Variants in ITPK1 observed in about 807,000 individuals in gnomAD.
ITPK1 encodes the protein inositol 1,3,4-trisphosphate 5/6-kinase.
In ITPK1, 21 loss-of-function variants were observed where a neutral mutation model predicts 45.3. The observed-to-expected ratio is 0.46, with a 90% CI of 0.33 to 0.67. ITPK1 has a LOEUF of 0.67. Among genes scored for constraint, ITPK1 ranks in the 30% least tolerant of loss-of-function variants. The probability of loss-of-function intolerance (pLI) is 0.02; values close to 1 mark genes in which losing one functional copy is unlikely to be tolerated. For missense variants in ITPK1, 474 were observed against 573.5 expected (o/e 0.83, Z 1.77); for synonymous variants, 258 against 253.6 (o/e 1.02, Z -0.16).
At chr14:93,015,733 G>A (rs1366530855) in intron 4 of ITPK1, among the ~76,000 whole-genome samples, 2 of 152,250 alleles carry the variant, frequency 1.3e-5, no homozygotes, top group Non-Finnish European at 2.9e-5. Context: ...GCAGCAGGGA[G>A]TTGGCCAAGG....
Position 92,938,693 on chromosome 14 carries a change from G to A in ITPK1, c.*2868C>T, listed in dbSNP as rs760457640. 1.2e-4 allele frequency: 79 copies of A among 636,660 alleles called. 1 individual carries two copies. The highest frequency in any genetic ancestry group is 1.2e-3 in the East Asian group (44 of 36,596). 39.4% of individuals were successfully genotyped at this position (636,660 alleles called of 1,614,324 possible). The stretch of plus-strand genomic sequence containing the variant: ...ACTGCAGGCCCAGCCCACCCACCAC[G>A]TGTGGACCCAGACACCTCCATGACA... On this transcript the variant is annotated 3_prime_UTR_variant, in exon 11 of 11. Transcript: ENST00000267615.
chr14:92,964,314 C>G (rs1049984304), intron 5 of ITPK1, among the ~76,000 whole-genome samples: 1 of 152,134 alleles, frequency 6.6e-6, no homozygotes, highest in Non-Finnish European at 1.5e-5. Flanking sequence ...CAGAAACAGG[C>G]CCCAAGGTCA....
intron 3 of ITPK1, among the ~76,000 whole-genome samples, chr14:93,075,971 C>T (rs1253525287): frequency 6.6e-6 from 1 of 152,160 alleles, no homozygotes. Context: ...GCAAATAACA[C>T]AGCCTGCCCC....
intron 5 of ITPK1, among the ~76,000 whole-genome samples, chr14:92,976,794 A>G (rs535152320): frequency 1.3e-5 from 2 of 152,262 alleles, no homozygotes; most frequent in Non-Finnish European, 2.9e-5. Context: ...CAAAGCCAGC[A>G]TGTGGCGGGA....
intron 3 of ITPK1, chr14:93,071,910 C>G (rs1392012266): frequency 2.0e-5 from 3 of 152,106 alleles, no homozygotes; most frequent in East Asian, 3.9e-4. Flanking sequence ...TTCTCCTGGA[C>G]TGAATTATTA....
chr14:92,968,957 T>A (rs1391138157), intron 5 of ITPK1, among the ~76,000 whole-genome samples: 1 of 152,006 alleles, frequency 6.6e-6, no homozygotes, highest in South Asian at 2.1e-4. Flanking sequence ...AAGGACCCCA[T>A]CTCTCAGTGG....
At chr14:92,983,201 G>A (rs888354601) in intron 5 of ITPK1, among the ~76,000 whole-genome samples, 1 of 152,190 alleles carries the variant, frequency 6.6e-6, no homozygotes, top group Non-Finnish European at 1.5e-5. Context: ...GGCAGTAGCT[G>A]GAAACGTGGG....
At chr14:93,030,547 G>A (rs961265335) in intron 3 of ITPK1, among the ~76,000 whole-genome samples, 1 of 152,218 alleles carries the variant, frequency 6.6e-6, no homozygotes, top group Non-Finnish European at 1.5e-5. Flanking sequence ...ATGACCGCCA[G>A]GTCCCTGTCC....
intron 2 of ITPK1, among the ~76,000 whole-genome samples, chr14:93,106,275 C>G (rs1191471024): frequency 6.8e-6 from 1 of 147,614 alleles, no homozygotes; most frequent in Admixed American, 7.4e-5. Context: ...TCCCTGGCCC[C>G]GAGGGCATAA....
intron 10 of ITPK1, among the ~76,000 whole-genome samples, chr14:92,943,940 A>G (rs914865904): frequency 2.6e-5 from 4 of 152,214 alleles, no homozygotes; most frequent in Admixed American, 2.0e-4. Flanking sequence ...TGGGGCTGAC[A>G]GTCTGGGCCC....
intron 3 of ITPK1, among the ~76,000 whole-genome samples, chr14:93,028,529 C>A (rs529523343): frequency 1.3e-5 from 2 of 152,330 alleles, no homozygotes; most frequent in Non-Finnish European, 2.9e-5. Context: ...CAGACCTGGG[C>A]CTTCAGTCAG....
At chr14:93,047,510 G>C (rs779172170) in intron 3 of ITPK1, among the ~76,000 whole-genome samples, 12 of 152,208 alleles carry the variant, frequency 7.9e-5, no homozygotes, top group Non-Finnish European at 1.5e-4. Flanking sequence ...TGAAGACACA[G>C]ACACCCAGGC....
intron 3 of ITPK1, among the ~76,000 whole-genome samples, chr14:93,035,927 G>A (rs1262981262): frequency 6.6e-6 from 1 of 152,246 alleles, no homozygotes; most frequent in Non-Finnish European, 1.5e-5. Flanking sequence ...AAGGGTGGCA[G>A]GCCCAGGTGG....
At chr14:93,051,671 C>CA (rs1349363496) in intron 3 of ITPK1, among the ~76,000 whole-genome samples, 2 of 151,964 alleles carry the variant, frequency 1.3e-5, no homozygotes, top group East Asian at 3.9e-4. Flanking sequence ...GTGAGCAACT[C>CA]ATCCCCCTTG....
chr14:93,097,641 G>A (rs796853303), intron 2 of ITPK1, among the ~76,000 whole-genome samples: 127 of 152,324 alleles, frequency 8.3e-4, no homozygotes, highest in African/African-American at 3.0e-3. Context: ...TACACGTAAC[G>A]GAATCAGAAA....
intron 5 of ITPK1, among the ~76,000 whole-genome samples, chr14:92,987,255 G>A (rs1886533781): frequency 6.6e-6 from 1 of 152,246 alleles, no homozygotes; most frequent in Admixed American, 6.5e-5. Context: ...AGAAAGGGCT[G>A]CGAGTAGGCC....
At chr14:92,945,594 G>C (rs114557850) in intron 10 of ITPK1, among the ~76,000 whole-genome samples, 2,903 of 152,356 alleles carry the variant, frequency 0.019, 98 homozygotes, top group African/African-American at 0.067. Flanking sequence ...CTGTCTCTGA[G>C]CTGCTGCGGG....
chr14:93,047,945 C>T (rs1889851833), intron 3 of ITPK1, among the ~76,000 whole-genome samples: 1 of 152,250 alleles, frequency 6.6e-6, no homozygotes. Context: ...AGAAATATTT[C>T]TGATGACAAT....
At chr14:93,079,697 G>A (rs1891364225) in intron 2 of ITPK1, among the ~76,000 whole-genome samples, 1 of 152,226 alleles carries the variant, frequency 6.6e-6, no homozygotes, top group African/African-American at 2.4e-5. Context: ...GGAAACTCGT[G>A]CAGAGCAAAG....
Sources: gnomAD v4.1 joint callset for allele counts (sites outside exome capture counted in the v4.1 genomes callset) on GRCh38, gnomAD v4.1.1 for gene constraint, MANE v1.5 for transcripts, NCBI Gene and HGNC (gene_info 2026-07-23, HGNC 2026-07-21) for gene names.